Variants in CPVL observed in about 807,000 individuals in gnomAD.
CPVL encodes the protein probable serine carboxypeptidase CPVL.
Under a neutral mutation model 63.7 loss-of-function variants are expected in CPVL, and 51 were observed. That is an observed-to-expected ratio of 0.80 (90% confidence interval 0.64 to 1.01). The LOEUF (loss-of-function observed/expected upper bound fraction) is 1.01. CPVL is among the 50% of genes least tolerant of loss of function. CPVL has a pLI of 0.00. For missense variants in CPVL, 530 were observed against 573.1 expected, an observed-to-expected ratio of 0.92 and a Z score of 0.77; for synonymous variants, 195 against 206.0, an observed-to-expected ratio of 0.95 and a Z score of 0.46.
intron 12 of CPVL, among the ~76,000 whole-genome samples, chr7:29,003,237 C>T (rs1784848693): frequency 6.6e-6 from 1 of 151,590 alleles, no homozygotes; most frequent in African/African-American, 2.4e-5. Flanking sequence ...ATCTTAAAAG[C>T]TGTCACAGAA....
At chr7:29,060,895 G>A (rs536045655) in intron 11 of CPVL, among the ~76,000 whole-genome samples, 2 of 152,122 alleles carry the variant, frequency 1.3e-5, no homozygotes, top group African/African-American at 4.8e-5. Context: ...GCCAACCTAG[G>A]TTGTTCTGAT....
chr7:29,182,802 T>C (rs544334233), intron 4 of CPVL, among the ~76,000 whole-genome samples: 129 of 152,328 alleles, frequency 8.5e-4, no homozygotes, highest in Middle Eastern at 3.4e-3. Context: ...ATTAAATTCC[T>C]TGGACAGGGT....
intron 11 of CPVL, among the ~76,000 whole-genome samples, chr7:29,058,665 AG>A (rs1790984677): frequency 6.6e-6 from 1 of 152,144 alleles, no homozygotes; most frequent in African/African-American, 2.4e-5. Flanking sequence ...TGCAAGGTGC[AG>A]AATTCTAAGT....
intron 9 of CPVL, among the ~76,000 whole-genome samples, chr7:29,069,309 C>T (rs1468113414): frequency 6.6e-6 from 1 of 151,634 alleles, no homozygotes; most frequent in Non-Finnish European, 1.5e-5. Flanking sequence ...TTCGTGGTGG[C>T]GAGTGCCTGT....
At position 29,009,563 on chromosome 7, in the gene CPVL, G is replaced by C. The variant is rs1037895763; in HGVS notation, c.1321-13681C>G. On this transcript the variant is annotated intron_variant, in intron 12 of 12. Coordinates refer to ENST00000265394, the MANE Select transcript of CPVL (RefSeq NM_031311.5). ...TGAAATACTATGCAGCAATGAAAAAGAATAAGACACAATTGAGCATATCAA... is the reference window on the plus strand; with the variant it reads ...TGAAATACTATGCAGCAATGAAAAACAATAAGACACAATTGAGCATATCAA... The C allele has an allele frequency of 3.9e-5, 6 of 152,230 alleles. 1 individual carries two copies. The highest frequency in any genetic ancestry group is 3.9e-4 in the Admixed American group (6 of 15,294). 9.4% of individuals were successfully genotyped at this position (152,230 alleles called of 1,614,324 possible). A position where few individuals can be genotyped will look rare whatever the true frequency, so the allele number is the denominator to read the frequency against.
intron 11 of CPVL, among the ~76,000 whole-genome samples, chr7:29,061,562 TCAA>T (rs2128560384): frequency 6.6e-6 from 1 of 152,278 alleles, no homozygotes; most frequent in East Asian, 1.9e-4. Flanking sequence ...CCTTTATCAG[TCAA>T]AACATAAGGA....
At chr7:29,129,138 T>C (rs1302111587) in intron 1 of CPVL, among the ~76,000 whole-genome samples, 1 of 152,138 alleles carries the variant, frequency 6.6e-6, no homozygotes, top group Non-Finnish European at 1.5e-5. Flanking sequence ...GATGGAACCA[T>C]GATACCTCAT....
At chr7:29,162,661 CAAAAA>C (rs35159645) in intron 5 of CPVL, among the ~76,000 whole-genome samples, 1 of 58,360 alleles carries the variant, frequency 1.7e-5, no homozygotes. Flanking sequence ...AACTCCATCT[CAAAAA>C]AAAAAAAAAA....
At chr7:29,161,176 TTTTCAACA>T (rs1360541573) in intron 5 of CPVL, among the ~76,000 whole-genome samples, 6 of 152,248 alleles carry the variant, frequency 3.9e-5, no homozygotes, top group Non-Finnish European at 8.8e-5. Context: ...AACTGAAATG[TTTTCAACA>T]TTAGCCTTGA....
At chr7:29,053,433 A>G (rs1382923960) in intron 11 of CPVL, among the ~76,000 whole-genome samples, 1 of 152,234 alleles carries the variant, frequency 6.6e-6, no homozygotes, top group African/African-American at 2.4e-5. Flanking sequence ...TGAACATGCT[A>G]TAACATGTAT....
intron 5 of CPVL, among the ~76,000 whole-genome samples, chr7:29,094,265 T>C (rs974284327): frequency 6.6e-6 from 1 of 151,314 alleles, no homozygotes; most frequent in Non-Finnish European, 1.5e-5. Context: ...TGCTTCAACC[T>C]GGGAAGTGGA....
At chr7:29,143,898 T>C (rs1792170028) in intron 1 of CPVL, among the ~76,000 whole-genome samples, 1 of 152,192 alleles carries the variant, frequency 6.6e-6, no homozygotes, top group African/African-American at 2.4e-5. Context: ...ATACCTCTAA[T>C]ATCTCTTAAG....
chr7:29,095,842 A>G (rs1470999887), intron 4 of CPVL, among the ~76,000 whole-genome samples: 2 of 152,192 alleles, frequency 1.3e-5, no homozygotes, highest in African/African-American at 4.8e-5. Context: ...TTGCAAACCC[A>G]GAATGCTTGA....
intron 7 of CPVL, among the ~76,000 whole-genome samples, chr7:29,072,640 G>A (rs910286283): frequency 5.3e-5 from 8 of 152,068 alleles, no homozygotes; most frequent in Non-Finnish European, 1.2e-4. Flanking sequence ...GAACAGGTTC[G>A]ATGCACAAAA....
rs536695106 is a variant in CPVL, at chr7:29,108,230, G to C, written c.288+4474C>G. ...GTCCTCCGTGAAGGGGCCTAGGCCTGACTCTAAATGCCCCAGGTTTTGGCT... is the reference window on the plus strand; with the variant it reads ...GTCCTCCGTGAAGGGGCCTAGGCCTCACTCTAAATGCCCCAGGTTTTGGCT... On this transcript the variant is annotated intron_variant, in intron 3 of 12. Coordinates refer to ENST00000265394, the MANE Select transcript of CPVL (RefSeq NM_031311.5). Among the ~76,000 whole-genome samples the C allele has an allele frequency of 1.4e-4, 22 of 152,332 alleles. No homozygotes were observed. The East Asian group carries it at 4.1e-3, about 28-fold the overall frequency.
At chr7:29,026,572 T>C (rs970487893) in intron 12 of CPVL, among the ~76,000 whole-genome samples, 1 of 150,166 alleles carries the variant, frequency 6.7e-6, no homozygotes, top group Non-Finnish European at 1.5e-5. Flanking sequence ...AAAAGATAAA[T>C]AAAATCAATA....
intron 1 of CPVL, among the ~76,000 whole-genome samples, chr7:29,142,365 A>G (rs1791982637): frequency 6.6e-6 from 1 of 152,048 alleles, no homozygotes; most frequent in Non-Finnish European, 1.5e-5. Flanking sequence ...ACTAGTCCAA[A>G]TGTTTGTTCA....
Position 28,995,808 on chromosome 7 carries a change from G to C in CPVL, c.1395C>G (p.Phe465Leu). 6.2e-7 allele frequency: 1 copy of C among 1,607,716 alleles called. No individual in the cohort carries two copies. The highest frequency in any genetic ancestry group is 1.3e-5 in the African/African-American group (1 of 74,690). The change falls in exon 13 of 13, where the codon TTC (phenylalanine) becomes TTG (leucine). Residue 465 changes from phenylalanine (F) to leucine (L), a missense_variant. Physicochemically the swap from Phe to Leu is conservative, Grantham distance 22 (BLOSUM62 0). Transcript: ENST00000265394. ...AAGGATCCCATCCTTTTCCATAAAT[G>C]AATCGATTAATCATGTCAAAAGCTC... ...PLRAFDMINR[F>L]IYGKGWDPYV...
Position 29,194,906 on chromosome 7 carries a change from G to A in CPVL, c.-448+171C>T, listed in dbSNP as rs764372485. 57 of 1,519,518 alleles carry A rather than the reference G, an allele frequency of 3.8e-5. 1 individual carries two copies. The South Asian group carries it at 4.4e-4, about 12-fold the overall frequency. 94.1% of individuals were successfully genotyped at this position (1,519,518 alleles called of 1,614,324 possible). On this transcript the variant is annotated intron_variant, in intron 1 of 16. Coordinates refer to the CPVL transcript ENST00000409850. ...GGCAGCGGCGGCGGCGTCCGCACCG[G>A]GGCTGAGCGAGCAGCGACGCGAGGG...
Sources: gnomAD v4.1 joint callset for allele counts (sites outside exome capture counted in the v4.1 genomes callset) on GRCh38, gnomAD v4.1.1 for gene constraint, MANE v1.5 for transcripts, NCBI Gene and HGNC (gene_info 2026-07-23, HGNC 2026-07-21) for gene names.